IDE: variants seen among roughly 807,000 people sequenced by gnomAD.
IDE encodes insulin-degrading enzyme.
IDE carries 58 observed loss-of-function variants against 133.2 expected under a neutral mutation model. That is an observed-to-expected ratio of 0.44 (90% CI 0.35 to 0.54). The LOEUF (loss-of-function observed/expected upper bound fraction) is 0.54, where lower values mean the gene tolerates loss of function less well. Among genes scored for constraint, IDE ranks in the 20% least tolerant of loss-of-function variants. The pLI is 0.00. For missense variants in IDE, 981 were observed against 1,234.0 expected, an observed-to-expected ratio of 0.79 and a Z score of 3.07; for synonymous variants, 396 against 421.3, an observed-to-expected ratio of 0.94 and a Z score of 0.73.
chr10:92,512,792 G>C (rs575412953), intron 5 of IDE, among the ~76,000 whole-genome samples: 1 of 152,112 alleles, frequency 6.6e-6, no homozygotes, highest in South Asian at 2.1e-4. Flanking sequence ...GCCAATAGCA[G>C]AAAACTTAGA....
Position 92,487,190 on chromosome 10 carries a change from C to A in IDE, c.1656+6G>T. The A allele has an allele frequency of 6.2e-7, 1 of 1,607,884 alleles. No individual in the cohort carries two copies. The highest frequency in any genetic ancestry group is 8.5e-7 in the Non-Finnish European group (1 of 1,178,276). On this transcript the variant is annotated splice_donor_region_variant and intron_variant, in intron 13 of 24. Coordinates refer to ENST00000265986, the MANE Select transcript of IDE (RefSeq NM_004969.4). ...AAATTTAAAATCACTGATTCAAACA[C>A]ATTACCTTAATAAGAGCAGGGTATG...
chr10:92,566,384 CTCTA>C (rs1177910254), intron 1 of IDE, among the ~76,000 whole-genome samples: 1 of 140,804 alleles, frequency 7.1e-6, no homozygotes, highest in Non-Finnish European at 1.5e-5. Flanking sequence ...CAGAGTCAGA[CTCTA>C]TCTCTCTCTC....
At chr10:92,521,961 T>C (rs922542602) in intron 4 of IDE, among the ~76,000 whole-genome samples, 5 of 151,728 alleles carry the variant, frequency 3.3e-5, no homozygotes, top group Admixed American at 2.0e-4. Flanking sequence ...AAAGGGTGAA[T>C]GGAAATGTGG....
At chr10:92,490,625 C>T (rs550796593) in intron 11 of IDE, 30 bp from the exon 12 acceptor site, 3 of 1,275,452 alleles carry the variant, frequency 2.4e-6, no homozygotes, top group African/African-American at 3.0e-5. Context: ...ACAAAAAAAC[C>T]CTGTAAACTC....
intron 1 of IDE, among the ~76,000 whole-genome samples, chr10:92,549,922 A>G (rs1842703107): frequency 6.6e-6 from 1 of 152,134 alleles, no homozygotes; most frequent in African/African-American, 2.4e-5. Flanking sequence ...TCATCTCAAC[A>G]CTTTGGGAGG....
chr10:92,506,674 A>C (rs1589439389), intron 9 of IDE, 152 bp from the exon 10 acceptor site: 2 of 458,428 alleles, frequency 4.4e-6, no homozygotes, highest in Non-Finnish European at 7.7e-6. Flanking sequence ...TGATTTAGAA[A>C]TGTATAGAAT....
At chr10:92,491,188 G>C (rs1019299610) in intron 11 of IDE, among the ~76,000 whole-genome samples, 2 of 151,046 alleles carry the variant, frequency 1.3e-5, no homozygotes, top group East Asian at 3.9e-4. Context: ...CAGTAGGCTA[G>C]AATCACACCA....
chr10:92,499,901 C>A (rs1211809729), intron 11 of IDE, among the ~76,000 whole-genome samples: 2 of 152,144 alleles, frequency 1.3e-5, no homozygotes, highest in Non-Finnish European at 1.5e-5. Context: ...AGGCAAAGGT[C>A]AAGTTTCATC....
At chr10:92,547,418 G>T (rs1842579743) in intron 1 of IDE, among the ~76,000 whole-genome samples, 1 of 151,972 alleles carries the variant, frequency 6.6e-6, no homozygotes, top group Non-Finnish European at 1.5e-5. Flanking sequence ...CACAGGCTGG[G>T]AAGAGTTATC....
intron 11 of IDE, among the ~76,000 whole-genome samples, chr10:92,492,316 G>A (rs898655425): frequency 6.6e-6 from 1 of 151,986 alleles, no homozygotes; most frequent in East Asian, 1.9e-4. Context: ...GTAAAGTGAT[G>A]TCAAAAGATA....
At chr10:92,573,555 C>T (rs1256394659) in intron 1 of IDE, among the ~76,000 whole-genome samples, 2 of 152,250 alleles carry the variant, frequency 1.3e-5, no homozygotes, top group African/African-American at 4.8e-5. Flanking sequence ...GTTCCCGGCC[C>T]CCTCACAGGC....
chr10:92,508,004 T>A (rs1848387674), intron 8 of IDE, 109 bp downstream of exon 8: 11 of 790,452 alleles, frequency 1.4e-5, no homozygotes. Flanking sequence ...TTGTATGAAT[T>A]AAAGTGTTGT....
chr10:92,501,525 C>A (rs1375009265), intron 11 of IDE, among the ~76,000 whole-genome samples: 3 of 150,424 alleles, frequency 2.0e-5, no homozygotes, highest in Non-Finnish European at 4.4e-5. Context: ...CAAAAATTAG[C>A]TGGGCATGGT....
At chr10:92,556,474 T>A (rs1011775882) in intron 1 of IDE, among the ~76,000 whole-genome samples, 3 of 151,184 alleles carry the variant, frequency 2.0e-5, no homozygotes, top group Non-Finnish European at 4.4e-5. Flanking sequence ...AATACGAAAA[T>A]CAGGCTGGGT....
intron 4 of IDE, among the ~76,000 whole-genome samples, chr10:92,518,551 T>C (rs1191140099): frequency 1.3e-5 from 2 of 152,172 alleles, no homozygotes; most frequent in Non-Finnish European, 2.9e-5. Context: ...GATGTCCATA[T>C]CCTACTACAT....
chr10:92,543,717 T>C (rs1006593100), intron 1 of IDE, among the ~76,000 whole-genome samples: 2 of 152,184 alleles, frequency 1.3e-5, no homozygotes, highest in Non-Finnish European at 2.9e-5. Flanking sequence ...GCAAATGTTG[T>C]TTTAGTTTGA....
At chr10:92,469,521 T>TAGG (rs1845857102) in intron 18 of IDE, among the ~76,000 whole-genome samples, 1 of 152,002 alleles carries the variant, frequency 6.6e-6, no homozygotes, top group Admixed American at 6.6e-5. Context: ...CTCAACCTCC[T>TAGG]AGGCTCAAGA....
chr10:92,469,712 G>A (rs776824191), intron 18 of IDE, among the ~76,000 whole-genome samples: 85 of 152,118 alleles, frequency 5.6e-4, no homozygotes, highest in Non-Finnish European at 1.0e-3. Flanking sequence ...CACTGCACCC[G>A]GCCGAGACTG....
intron 3 of IDE, among the ~76,000 whole-genome samples, chr10:92,532,966 A>C (rs1461732082): frequency 6.6e-6 from 1 of 152,202 alleles, no homozygotes; most frequent in East Asian, 1.9e-4. Flanking sequence ...ATATACCACA[A>C]GGGGAAACTC....
Sources: gnomAD v4.1 joint callset for allele counts (sites outside exome capture counted in the v4.1 genomes callset) on GRCh38, gnomAD v4.1.1 for gene constraint, MANE v1.5 for transcripts, NCBI Gene and HGNC (gene_info 2026-07-23, HGNC 2026-07-21) for gene names.